SLC10A7: variants seen among roughly 807,000 people sequenced by gnomAD.
SLC10A7 encodes sodium/bile acid cotransporter 7.
Under a neutral mutation model 43.2 loss-of-function variants are expected in SLC10A7, and 29 were observed. The observed-to-expected ratio is 0.67, with a 90% CI of 0.50 to 0.92. The LOEUF is 0.92. Among genes scored for constraint, SLC10A7 ranks in the 40% least tolerant of loss-of-function variants. SLC10A7 has a pLI of 0.00. For missense variants in SLC10A7, 295 were observed against 403.2 expected (o/e 0.73, Z 2.30); for synonymous variants, 152 against 144.8 (o/e 1.05, Z -0.35).
intron 2 of SLC10A7, 24 bp from the exon 3 acceptor site, chr4:146,510,073 TAAAC>T: frequency 6.3e-7 from 1 of 1,582,258 alleles, no homozygotes; most frequent in African/African-American, 1.4e-5. Flanking sequence ...GGAAACAAAA[TAAAC>T]AAAGGTAAGA....
chr4:146,433,281 C>A (rs905591639), intron 5 of SLC10A7, among the ~76,000 whole-genome samples: 2 of 150,650 alleles, frequency 1.3e-5, no homozygotes, highest in African/African-American at 4.9e-5. Context: ...CCTGCCTCAG[C>A]CTCCCGAGTA....
intron 5 of SLC10A7, among the ~76,000 whole-genome samples, chr4:146,429,270 A>C (rs1468670981): frequency 6.6e-6 from 1 of 152,180 alleles, no homozygotes; most frequent in Non-Finnish European, 1.5e-5. Flanking sequence ...TTTTTGTCAA[A>C]AGAATTCAAC....
intron 4 of SLC10A7, among the ~76,000 whole-genome samples, chr4:146,489,611 G>T (rs1334095022): frequency 1.3e-5 from 2 of 152,140 alleles, no homozygotes; most frequent in Non-Finnish European, 2.9e-5. Flanking sequence ...AATCCACGTA[G>T]GGCAAAGGAA....
At chr4:146,505,910 C>G (rs187458074) in intron 3 of SLC10A7, among the ~76,000 whole-genome samples, 1 of 152,292 alleles carries the variant, frequency 6.6e-6, no homozygotes, top group Admixed American at 6.5e-5. Context: ...TCCCATCTTA[C>G]AGAAAACTGA....
intron 5 of SLC10A7, among the ~76,000 whole-genome samples, chr4:146,338,827 CA>C (rs1560812587): frequency 6.6e-6 from 1 of 151,862 alleles, no homozygotes; most frequent in African/African-American, 2.4e-5. Context: ...CAAAACAAAA[CA>C]AAACAAAAAC....
At chr4:146,442,700 C>A in intron 5 of SLC10A7, 83 bp downstream of exon 5, 1 of 1,564,500 alleles carries the variant, frequency 6.4e-7, no homozygotes, top group Non-Finnish European at 8.6e-7. Flanking sequence ...AAGAGTAAAA[C>A]AAATCCAGCT....
chr4:146,480,726 C>T (rs1734398217), intron 4 of SLC10A7, among the ~76,000 whole-genome samples: 2 of 151,878 alleles, frequency 1.3e-5, no homozygotes, highest in Admixed American at 1.3e-4. Context: ...CAGCTGGGTG[C>T]CAGCTAAAAG....
intron 5 of SLC10A7, among the ~76,000 whole-genome samples, chr4:146,386,708 C>T (rs1738026410): frequency 6.6e-6 from 1 of 152,136 alleles, no homozygotes; most frequent in South Asian, 2.1e-4. Flanking sequence ...CTTATCCATC[C>T]TTCAAAGTCC....
chr4:146,346,928 CA>C (rs1467303782), intron 5 of SLC10A7, among the ~76,000 whole-genome samples: 1 of 151,994 alleles, frequency 6.6e-6, no homozygotes, highest in Non-Finnish European at 1.5e-5. Context: ...AGGGGGGAAA[CA>C]AAGATAAAGG....
At chr4:146,428,622 T>C (rs1365298126) in intron 5 of SLC10A7, among the ~76,000 whole-genome samples, 2 of 152,084 alleles carry the variant, frequency 1.3e-5, no homozygotes, top group East Asian at 1.9e-4. Context: ...TTATACATCA[T>C]TGAATTGGTT....
chr4:146,266,300 T>C (rs1215459740), intron 10 of SLC10A7, among the ~76,000 whole-genome samples: 1 of 152,206 alleles, frequency 6.6e-6, no homozygotes, highest in African/African-American at 2.4e-5. Flanking sequence ...TTGGTATAGA[T>C]GGTCCCTTTA....
chr4:146,447,305 C>T (rs927500836), intron 4 of SLC10A7, among the ~76,000 whole-genome samples: 4 of 152,002 alleles, frequency 2.6e-5, no homozygotes, highest in Admixed American at 1.3e-4. Context: ...GACAGGGTTT[C>T]CCTATGTTGC....
intron 6 of SLC10A7, among the ~76,000 whole-genome samples, chr4:146,306,427 G>C (rs2149682546): frequency 1.3e-5 from 2 of 152,110 alleles, no homozygotes; most frequent in African/African-American, 4.8e-5. Context: ...AAATGAAATA[G>C]TTTCTAACTT....
At chr4:146,510,396 A>C (rs1737352934) in intron 2 of SLC10A7, among the ~76,000 whole-genome samples, 1 of 151,398 alleles carries the variant, frequency 6.6e-6, no homozygotes, top group Non-Finnish European at 1.5e-5. Context: ...AGTAGTTTGG[A>C]CTACAGGTGC....
intron 2 of SLC10A7, among the ~76,000 whole-genome samples, chr4:146,510,713 C>T (rs1159703828): frequency 6.6e-6 from 1 of 152,042 alleles, no homozygotes; most frequent in Non-Finnish European, 1.5e-5. Context: ...GTATGTTTAC[C>T]TACATAAAAT....
At chr4:146,283,914 G>C (rs912474389) in intron 9 of SLC10A7, among the ~76,000 whole-genome samples, 3 of 152,056 alleles carry the variant, frequency 2.0e-5, no homozygotes, top group Admixed American at 6.6e-5. Flanking sequence ...GATTCAAACA[G>C]AGTCTAGTTC....
intron 5 of SLC10A7, among the ~76,000 whole-genome samples, chr4:146,326,993 G>GAC (rs1733174339): frequency 1.3e-5 from 2 of 150,288 alleles, no homozygotes; most frequent in Non-Finnish European, 3.0e-5. Context: ...GAGAGAGAGA[G>GAC]AGACAGATAG....
chr4:146,519,169 A>G (rs1489562150), intron 1 of SLC10A7, among the ~76,000 whole-genome samples: 1 of 136,326 alleles, frequency 7.3e-6, no homozygotes, highest in South Asian at 2.2e-4. Flanking sequence ...AATATATGAT[A>G]CAATAATGTA....
At chr4:146,262,294 T>A (rs1461060559) in intron 10 of SLC10A7, among the ~76,000 whole-genome samples, 1 of 152,212 alleles carries the variant, frequency 6.6e-6, no homozygotes, top group Non-Finnish European at 1.5e-5. Context: ...GTTTCCATGC[T>A]ATGGTGGCGA....
Sources: gnomAD v4.1 joint callset for allele counts (sites outside exome capture counted in the v4.1 genomes callset) on GRCh38, gnomAD v4.1.1 for gene constraint, MANE v1.5 for transcripts, NCBI Gene and HGNC (gene_info 2026-07-23, HGNC 2026-07-21) for gene names.